The following COLQ variants were observed in gnomAD, a reference collection of about 807,000 sequenced individuals.
COLQ encodes collagen like tail subunit of asymmetric acetylcholinesterase.
In COLQ, 48 loss-of-function variants were observed where a neutral mutation model predicts 69.0. The ratio of observed to expected loss-of-function variants is 0.70; its 90% confidence interval spans 0.55 to 0.88. The LOEUF (loss-of-function observed/expected upper bound fraction) is 0.88. Among genes scored for constraint, COLQ ranks in the 40% least tolerant of loss-of-function variants. The probability of loss-of-function intolerance (pLI) is 0.00; values close to 1 mark genes in which losing one functional copy is unlikely to be tolerated. For synonymous variants in COLQ, 217 were observed against 211.2 expected (o/e 1.03, Z -0.24); for missense variants, 618 against 594.6 (o/e 1.04, Z -0.41).
intron 11 of COLQ, 76 bp downstream of exon 11, chr3:15,470,460 A>T: frequency 7.5e-7 from 1 of 1,334,460 alleles, no homozygotes; most frequent in Non-Finnish European, 1.1e-6. Context: ...GATTAACGCC[A>T]CCTGCCTGCC....
intron 13 of COLQ, 112 bp downstream of exon 13, chr3:15,458,074 C>T: frequency 8.4e-7 from 1 of 1,183,716 alleles, no homozygotes; most frequent in South Asian, 1.2e-5. Context: ...AGGGTGTACT[C>T]AGAGTCGTGA....
At chr3:15,516,823 T>C (rs891585661) in intron 1 of COLQ, among the ~76,000 whole-genome samples, 25 of 152,284 alleles carry the variant, frequency 1.6e-4, no homozygotes, top group African/African-American at 5.8e-4. Flanking sequence ...TGGGCATTGA[T>C]ATACTGAGGA....
intron 16 of COLQ, 126 bp downstream of exon 16, chr3:15,453,703 T>C (rs111472409): frequency 2.4e-5 from 17 of 711,116 alleles, no homozygotes; most frequent in African/African-American, 1.9e-4. Flanking sequence ...TTCATCACCA[T>C]ACCTCAGTGT....
chr3:15,456,723 C>T, intron 13 of COLQ, 144 bp from the exon 14 acceptor site: 1 of 1,092,644 alleles, frequency 9.2e-7, no homozygotes, highest in Non-Finnish European at 1.3e-6. Context: ...AGCATTCCTT[C>T]TGAAGTGAGA....
Position 15,475,486 on chromosome 3 carries a change from C to A in COLQ, c.467G>T (p.Gly156Val). ...IGWPGPEGPRGEKGDLGMMGL... is the reference protein window; with the variant it reads ...IGWPGPEGPRVEKGDLGMMGL... ...CATCATACCCAGGTCACCTTTTTCA[C>A]CCTGTGGGAATTAGAAGAAGAAAAG... Residue 156 changes from glycine to valine, a missense_variant and splice_region_variant, in exon 7 of 17, where the codon GGT becomes GTT. Coordinates refer to ENST00000383788, the MANE Select transcript of COLQ (RefSeq NM_005677.4). 6.3e-7 allele frequency: 1 copy of A among 1,594,788 alleles called. No individual in the cohort carries two copies. The highest frequency in any genetic ancestry group is 8.6e-7 in the Non-Finnish European group (1 of 1,169,196).
chr3:15,496,788 C>A (rs1240059990), intron 1 of COLQ, among the ~76,000 whole-genome samples: 1 of 152,206 alleles, frequency 6.6e-6, no homozygotes, highest in Non-Finnish European at 1.5e-5. Flanking sequence ...TGGTTTTGCC[C>A]TTTGGACTCA....
intron 1 of COLQ, among the ~76,000 whole-genome samples, chr3:15,520,360 T>C (rs2063119835): frequency 6.6e-6 from 1 of 152,122 alleles, no homozygotes. Flanking sequence ...CTCACACCAG[T>C]CTCTGAGTCA....
intron 1 of COLQ, among the ~76,000 whole-genome samples, chr3:15,506,312 G>C (rs1410269977): frequency 1.3e-5 from 2 of 152,202 alleles, no homozygotes; most frequent in Non-Finnish European, 2.9e-5. Context: ...ATGAAAGGTA[G>C]TATTTTGTAC....
intron 11 of COLQ, among the ~76,000 whole-genome samples, chr3:15,469,060 G>A (rs940955639): frequency 7.9e-5 from 12 of 152,134 alleles, no homozygotes; most frequent in African/African-American, 2.9e-4. Context: ...AGGCTTCTAA[G>A]GCTAACAATT....
chr3:15,456,354 T>C (rs562575822), intron 14 of COLQ, 106 bp downstream of exon 14: 104 of 1,485,144 alleles, frequency 7.0e-5, no homozygotes, highest in Non-Finnish European at 9.3e-5. Context: ...GCAGACAGAC[T>C]GTAGAAAGCC....
chr3:15,498,794 GC>G, intron 1 of COLQ: 1 of 1,488,348 alleles, frequency 6.7e-7, no homozygotes, highest in Non-Finnish European at 8.9e-7. Context: ...TGGGTAGGCA[GC>G]CCTGCTCCAG....
chr3:15,463,258 T>A (rs2062148288), intron 12 of COLQ, among the ~76,000 whole-genome samples: 1 of 63,776 alleles, frequency 1.6e-5, no homozygotes, highest in Admixed American at 1.9e-4. Context: ...CTCCTACACA[T>A]CCCACATCCA....
At chr3:15,474,161 G>A (rs991219045) in intron 9 of COLQ, 67 bp downstream of exon 9, 14 of 1,595,582 alleles carry the variant, frequency 8.8e-6, no homozygotes, top group African/African-American at 1.3e-5. Context: ...GTCCACGGAT[G>A]GGGGTGGGTG....
At chr3:15,514,554 A>G (rs2063031640) in intron 1 of COLQ, among the ~76,000 whole-genome samples, 1 of 152,210 alleles carries the variant, frequency 6.6e-6, no homozygotes, top group South Asian at 2.1e-4. Context: ...CTGGACTTTC[A>G]TAATGCAACC....
At chr3:15,475,891 T>A (rs2062371617) in intron 6 of COLQ, among the ~76,000 whole-genome samples, 1 of 152,160 alleles carries the variant, frequency 6.6e-6, no homozygotes, top group South Asian at 2.1e-4. Context: ...GGAAGGGTCC[T>A]CAGAATGATT....
intron 3 of COLQ, among the ~76,000 whole-genome samples, chr3:15,481,980 T>C (rs1268429141): frequency 2.0e-5 from 3 of 152,222 alleles, no homozygotes; most frequent in Admixed American, 6.5e-5. Context: ...GAAGCAATTG[T>C]GAATGGGAGC....
intron 1 of COLQ, chr3:15,499,013 AAAG>A: frequency 1.9e-6 from 2 of 1,055,714 alleles, no homozygotes; most frequent in Non-Finnish European, 2.3e-6. Context: ...GGTAAGCCTC[AAAG>A]TCAACCCCCC....
chr3:15,474,456 A>T (rs1345623914), intron 8 of COLQ, among the ~76,000 whole-genome samples, 184 bp from the exon 9 acceptor site: 2 of 152,214 alleles, frequency 1.3e-5, no homozygotes, highest in Non-Finnish European at 2.9e-5. Context: ...TTGAACCCCA[A>T]AGACCTCTTG....
intron 1 of COLQ, among the ~76,000 whole-genome samples, chr3:15,502,934 T>G (rs2062852542): frequency 6.6e-6 from 1 of 152,156 alleles, no homozygotes; most frequent in South Asian, 2.1e-4. Flanking sequence ...CCCTCACAAC[T>G]GATTATCCTC....
Sources: gnomAD v4.1 joint callset for allele counts (sites outside exome capture counted in the v4.1 genomes callset) on GRCh38, gnomAD v4.1.1 for gene constraint, MANE v1.5 for transcripts, NCBI Gene and HGNC (gene_info 2026-07-23, HGNC 2026-07-21) for gene names.